Variants in CAMK1D observed in about 807,000 individuals in gnomAD.
The protein encoded by CAMK1D is calcium/calmodulin dependent protein kinase ID.
Under a neutral mutation model 47.7 loss-of-function variants are expected in CAMK1D, and 9 were observed. The ratio of observed to expected loss-of-function variants is 0.19; its 90% CI spans 0.11 to 0.33. The LOEUF is 0.33. CAMK1D is among the 10% of genes least tolerant of loss of function. The pLI, the probability that CAMK1D is intolerant of heterozygous loss-of-function variation, is 1.00. For synonymous variants in CAMK1D, 184 were observed against 184.9 expected (o/e 0.99, Z 0.04); for missense variants, 291 against 488.7 (o/e 0.60, Z 3.81).
chr10:12,421,824 C>CT (rs1840061626), intron 1 of CAMK1D, among the ~76,000 whole-genome samples: 2 of 134,964 alleles, frequency 1.5e-5, no homozygotes. Flanking sequence ...ATTTGGGACT[C>CT]TTATTTTTTT....
chr10:12,474,199 CTTT>C (rs35554522), intron 1 of CAMK1D, among the ~76,000 whole-genome samples: 6 of 119,342 alleles, frequency 5.0e-5, no homozygotes, highest in Admixed American at 9.1e-5. Context: ...GAGGATCGTT[CTTT>C]TTTTTTTTTT....
intron 3 of CAMK1D, among the ~76,000 whole-genome samples, chr10:12,683,366 G>A (rs1470134652): frequency 6.6e-6 from 1 of 152,084 alleles, no homozygotes; most frequent in Non-Finnish European, 1.5e-5. Context: ...GATTACAGGT[G>A]TAAGCCACTG....
intron 2 of CAMK1D, among the ~76,000 whole-genome samples, chr10:12,626,384 C>G (rs1321040718): frequency 1.3e-5 from 2 of 151,978 alleles, no homozygotes; most frequent in African/African-American, 4.8e-5. Flanking sequence ...TTGCTCCGTT[C>G]CTTCCCAGCT....
chr10:12,359,274 G>C (rs1837594483), intron 1 of CAMK1D, among the ~76,000 whole-genome samples: 1 of 152,172 alleles, frequency 6.6e-6, no homozygotes, highest in Non-Finnish European at 1.5e-5. Context: ...GCCGTGTGTG[G>C]CACGTGGGTG....
chr10:12,757,438 A>G (rs1309418814), intron 3 of CAMK1D, among the ~76,000 whole-genome samples: 2 of 152,154 alleles, frequency 1.3e-5, no homozygotes, highest in African/African-American at 4.8e-5. Context: ...GAGGCTTGAC[A>G]TAGAAGCTGT....
At chr10:12,434,107 A>T (rs567805438) in intron 1 of CAMK1D, among the ~76,000 whole-genome samples, 1 of 152,290 alleles carries the variant, frequency 6.6e-6, no homozygotes, top group East Asian at 1.9e-4. Flanking sequence ...AGTTGCTGGG[A>T]CTGCAGGAGC....
intron 1 of CAMK1D, among the ~76,000 whole-genome samples, chr10:12,486,489 A>C (rs1190630135): frequency 6.6e-6 from 1 of 151,728 alleles, no homozygotes; most frequent in Non-Finnish European, 1.5e-5. Flanking sequence ...ATTGCTTATG[A>C]TAAATCATGC....
chr10:12,440,777 C>T (rs1832764523), intron 1 of CAMK1D, among the ~76,000 whole-genome samples: 1 of 152,180 alleles, frequency 6.6e-6, no homozygotes, highest in Non-Finnish European at 1.5e-5. Flanking sequence ...CTGTAGGCTT[C>T]ATAATCAAAA....
In CAMK1D at chr10:12,828,982, A is replaced by G. The variant is rs1833362792; in HGVS notation, c.*95A>G. On this transcript the variant is annotated 3_prime_UTR_variant, in exon 11 of 11. Coordinates refer to ENST00000619168, the MANE Select transcript of CAMK1D (RefSeq NM_153498.4). ...CCACTCCAGCGAGACCCCACCTTGC[A>G]TGGTGCCCCTTCCTGCATAGGACTG... 1 of 840,122 alleles carries G rather than the reference A, an allele frequency of 1.2e-6. No individual in the cohort carries two copies. Among genetic ancestry groups the G allele is most frequent in the South Asian group, 1.7e-5 (1 of 59,392 alleles). The allele number at this position is 840,122 out of a possible 1,614,324, so 52.0% of individuals were successfully genotyped here.
At chr10:12,809,182 G>T (rs10906230) in intron 6 of CAMK1D, among the ~76,000 whole-genome samples, 1 of 151,802 alleles carries the variant, frequency 6.6e-6, no homozygotes, top group African/African-American at 2.4e-5. Context: ...TCATCCTAAC[G>T]GGTGGGAAGT....
At chr10:12,528,691 A>G (rs529305125) in intron 1 of CAMK1D, among the ~76,000 whole-genome samples, 1 of 152,014 alleles carries the variant, frequency 6.6e-6, no homozygotes, top group Admixed American at 6.6e-5. Context: ...CAGATGTTAT[A>G]GATAAGGAAA....
intron 3 of CAMK1D, among the ~76,000 whole-genome samples, chr10:12,687,559 A>G (rs538917742): frequency 6.6e-6 from 1 of 152,328 alleles, no homozygotes; most frequent in East Asian, 1.9e-4. Context: ...ATATTCTCAC[A>G]TGAGCAAATC....
chr10:12,810,151 T>TAGAAAAAAAAA (rs1832540782), intron 6 of CAMK1D, among the ~76,000 whole-genome samples: 1 of 81,446 alleles, frequency 1.2e-5, no homozygotes, highest in African/African-American at 6.1e-5. Flanking sequence ...CCTGTCTCAT[T>TAGAAAAAAAAA]AAAAAAAAAA....
chr10:12,478,413 C>T (rs937999752), intron 1 of CAMK1D, among the ~76,000 whole-genome samples: 1 of 151,686 alleles, frequency 6.6e-6, no homozygotes, highest in Admixed American at 6.6e-5. Flanking sequence ...GCAATTCTCT[C>T]ACCTCAGCCT....
intron 1 of CAMK1D, among the ~76,000 whole-genome samples, chr10:12,361,828 T>C (rs1172924213): frequency 2.0e-5 from 3 of 152,108 alleles, no homozygotes; most frequent in African/African-American, 7.2e-5. Context: ...AGTGCTCGGA[T>C]TACAGGTGTG....
intron 3 of CAMK1D, among the ~76,000 whole-genome samples, chr10:12,726,728 C>A (rs940587261): frequency 6.6e-6 from 1 of 152,214 alleles, no homozygotes; most frequent in South Asian, 2.1e-4. Context: ...GGTGACTTGC[C>A]TCAGTGACGG....
At chr10:12,731,684 A>AG (rs1834891152) in intron 3 of CAMK1D, among the ~76,000 whole-genome samples, 1 of 152,216 alleles carries the variant, frequency 6.6e-6, no homozygotes, top group Non-Finnish European at 1.5e-5. Flanking sequence ...AGGGAGCAAG[A>AG]GAGAGCATCG....
chr10:12,647,394 G>C (rs4587634), intron 2 of CAMK1D, among the ~76,000 whole-genome samples: 134,112 of 151,956 alleles, frequency 0.88, 59,349 homozygotes, highest in Middle Eastern at 0.93. Flanking sequence ...AGTGACCCAC[G>C]TGCCTCGGCC....
intron 2 of CAMK1D, among the ~76,000 whole-genome samples, chr10:12,560,291 G>T (rs894108489): frequency 6.6e-6 from 1 of 152,046 alleles, no homozygotes; most frequent in Non-Finnish European, 1.5e-5. Flanking sequence ...GGTGGCTCAC[G>T]CCTGTAATCA....
Sources: gnomAD v4.1 joint callset for allele counts (sites outside exome capture counted in the v4.1 genomes callset) on GRCh38, gnomAD v4.1.1 for gene constraint, MANE v1.5 for transcripts, NCBI Gene and HGNC (gene_info 2026-07-23, HGNC 2026-07-21) for gene names.